Variants in NOL4 observed in about 807,000 individuals in gnomAD.
NOL4 encodes the protein nucleolar protein 4.
A neutral mutation model predicts 75.9 loss-of-function variants in NOL4; 17 were observed. The ratio of observed to expected loss-of-function variants is 0.22; its 90% CI spans 0.15 to 0.34. The LOEUF is 0.34. Ranked by LOEUF, NOL4 falls within the 10% of genes least tolerant of loss-of-function variation. The pLI is 1.00. For synonymous variants in NOL4, 292 were observed against 289.9 expected (o/e 1.01, Z -0.07); for missense variants, 614 against 793.5 (o/e 0.77, Z 2.72).
chr18:33,913,663 A>T (rs1033948743), intron 9 of NOL4, among the ~76,000 whole-genome samples: 1 of 152,092 alleles, frequency 6.6e-6, no homozygotes, highest in Non-Finnish European at 1.5e-5. Context: ...TATTTTAGAC[A>T]TATCCAGGGT....
intron 9 of NOL4, among the ~76,000 whole-genome samples, chr18:33,908,580 A>T (rs2066207125): frequency 6.6e-6 from 1 of 152,182 alleles, no homozygotes; most frequent in Non-Finnish European, 1.5e-5. Flanking sequence ...TAAAGTTTAT[A>T]GGTTATTATA....
intron 2 of NOL4, among the ~76,000 whole-genome samples, chr18:34,117,413 C>G (rs2079912199): frequency 6.6e-6 from 1 of 152,154 alleles, no homozygotes; most frequent in South Asian, 2.1e-4. Context: ...GGGATATTAA[C>G]CTCACAGCAT....
intron 1 of NOL4, among the ~76,000 whole-genome samples, chr18:34,200,347 A>G (rs1392831358): frequency 6.6e-6 from 1 of 151,820 alleles, no homozygotes; most frequent in Non-Finnish European, 1.5e-5. Context: ...CCAGATCGTA[A>G]TGTAGTCCTA....
chr18:34,024,181 GAAAA>G (rs200128545), intron 5 of NOL4, among the ~76,000 whole-genome samples: 17,388 of 87,228 alleles, frequency 0.2, 2,887 homozygotes, highest in East Asian at 0.36. Context: ...AAATAAACAG[GAAAA>G]AAAAAAAAAA....
At chr18:34,078,193 T>C (rs2077833928) in intron 5 of NOL4, among the ~76,000 whole-genome samples, 1 of 152,154 alleles carries the variant, frequency 6.6e-6, no homozygotes, top group Admixed American at 6.6e-5. Context: ...TGTATTTATC[T>C]TTACCTTAGA....
chr18:33,964,212 CTGAG>C (rs763821693), intron 6 of NOL4, among the ~76,000 whole-genome samples: 15 of 152,110 alleles, frequency 9.9e-5, no homozygotes, highest in Non-Finnish European at 1.9e-4. Flanking sequence ...TAAACGTTTT[CTGAG>C]TGAGTGACTG....
chr18:34,009,349 C>T (rs1469254345), intron 6 of NOL4, among the ~76,000 whole-genome samples: 1 of 151,862 alleles, frequency 6.6e-6, no homozygotes, highest in Non-Finnish European at 1.5e-5. Context: ...TATTTGCTAG[C>T]TTAAATAAAT....
rs185415607 is a variant in NOL4 at position 34,137,661 on chromosome 18, A to T, written c.265-7641T>A. 7.4e-4 allele frequency among the ~76,000 whole-genome samples: 112 copies of T among 152,228 alleles called. 1 individual carries two copies. The highest frequency in any genetic ancestry group is 1.3e-4 in the Non-Finnish European group (9 of 68,014). ...GATCTGGAAAAACTGGAATCCTCAT[A>T]CATTGCTGGTGGGAATGCAAAATAA... is the stretch of plus-strand genomic sequence containing the variant. On this transcript the variant is annotated intron_variant, in intron 1 of 10. Transcript: ENST00000261592.
At chr18:34,115,066 C>T (rs2145783318) in intron 2 of NOL4, among the ~76,000 whole-genome samples, 1 of 152,210 alleles carries the variant, frequency 6.6e-6, no homozygotes, top group South Asian at 2.1e-4. Context: ...AGAATTTCTG[C>T]TCTAACAAAG....
chr18:34,199,792 G>T (rs1003329987), intron 1 of NOL4, among the ~76,000 whole-genome samples: 2 of 151,684 alleles, frequency 1.3e-5, no homozygotes, highest in African/African-American at 2.4e-5. Context: ...GTAGGAAGAG[G>T]GATTTCTACA....
In NOL4 at chr18:33,926,503, A is replaced by C. The variant is rs967764017; in HGVS notation, c.1542+16562T>G. Among the ~76,000 whole-genome samples the C allele has an allele frequency of 2.0e-5, 3 of 152,184 alleles. No individual in the cohort carries two copies. The East Asian group carries it at 5.8e-4, about 30-fold the overall frequency. On this transcript the variant is annotated intron_variant, in intron 9 of 10. Transcript: ENST00000261592. Reference sequence around the variant, plus strand: ...GAAAACAATCTCTTCCATGCTACATATGTAGCAAAGATAAAGAAATAACCA... The same window carrying C: ...GAAAACAATCTCTTCCATGCTACATCTGTAGCAAAGATAAAGAAATAACCA...
At chr18:34,104,942 G>A (rs1000513041) in intron 3 of NOL4, 107 bp downstream of exon 3, 1 of 654,648 alleles carries the variant, frequency 1.5e-6, no homozygotes, top group African/African-American at 1.8e-5. Flanking sequence ...GAGATGATCT[G>A]ACTTGTTGAA....
At chr18:33,966,737 T>C (rs2070631701) in intron 6 of NOL4, among the ~76,000 whole-genome samples, 1 of 151,920 alleles carries the variant, frequency 6.6e-6, no homozygotes, top group South Asian at 2.1e-4. Flanking sequence ...TCATTTAAAA[T>C]AGCCACACAC....
intron 5 of NOL4, among the ~76,000 whole-genome samples, chr18:34,092,647 T>A (rs755477716): frequency 3.9e-5 from 6 of 152,206 alleles, no homozygotes; most frequent in African/African-American, 7.2e-5. Flanking sequence ...AAAGTTCATA[T>A]GAACTTGTTA....
intron 1 of NOL4, among the ~76,000 whole-genome samples, chr18:34,181,812 C>T: frequency 6.6e-6 from 1 of 151,568 alleles, no homozygotes; most frequent in South Asian, 2.1e-4. Flanking sequence ...TGCATAACAT[C>T]ATTAGTCATT....
chr18:33,882,146 C>A (rs1023716792), intron 10 of NOL4, among the ~76,000 whole-genome samples: 30 of 152,186 alleles, frequency 2.0e-4, no homozygotes, highest in African/African-American at 7.2e-4. Context: ...TAGGCATGGA[C>A]AAGGACTTCA....
At chr18:33,864,225 A>T (rs1016245487) in intron 10 of NOL4, among the ~76,000 whole-genome samples, 10 of 152,154 alleles carry the variant, frequency 6.6e-5, no homozygotes, top group Non-Finnish European at 1.0e-4. Context: ...CTTGGTATTG[A>T]CATTCTGCTC....
At chr18:33,882,440 A>C (rs1186671536) in intron 10 of NOL4, among the ~76,000 whole-genome samples, 37 of 152,222 alleles carry the variant, frequency 2.4e-4, no homozygotes, top group African/African-American at 8.7e-4. Context: ...ATGCAGCCAA[A>C]AAACACATGA....
At chr18:33,922,422 G>A (rs575436753) in intron 9 of NOL4, among the ~76,000 whole-genome samples, 1 of 152,256 alleles carries the variant, frequency 6.6e-6, no homozygotes, top group East Asian at 1.9e-4. Context: ...CTTCATCAAT[G>A]AAATAATTTG....
Sources: gnomAD v4.1 joint callset for allele counts (sites outside exome capture counted in the v4.1 genomes callset) on GRCh38, gnomAD v4.1.1 for gene constraint, MANE v1.5 for transcripts, NCBI Gene and HGNC (gene_info 2026-07-23, HGNC 2026-07-21) for gene names.